The following CA10 variants were observed in gnomAD, a reference collection of about 807,000 sequenced individuals.
CA10 encodes carbonic anhydrase 10 (inactive).
CA10 carries 14 observed loss-of-function variants against 44.2 expected under a neutral mutation model. The ratio of observed to expected loss-of-function variants is 0.32; its 90% CI spans 0.21 to 0.50. CA10 has a LOEUF of 0.50. Ranked by LOEUF, CA10 falls within the 20% of genes least tolerant of loss-of-function variation. The pLI, the probability that CA10 is intolerant of heterozygous loss-of-function variation, is 0.99. For missense variants in CA10, 350 were observed against 409.7 expected, an observed-to-expected ratio of 0.85 and a Z score of 1.26; for synonymous variants, 159 against 141.6, an observed-to-expected ratio of 1.12 and a Z score of -0.87.
intron 2 of CA10, among the ~76,000 whole-genome samples, chr17:51,937,274 C>T (rs1311289347): frequency 1.3e-5 from 2 of 152,176 alleles, no homozygotes; most frequent in Non-Finnish European, 2.9e-5. Flanking sequence ...CTCTTTTCCT[C>T]ACCAATCCTG....
At chr17:52,131,641 A>T (rs941213759) in intron 1 of CA10, among the ~76,000 whole-genome samples, 23 of 152,198 alleles carry the variant, frequency 1.5e-4, no homozygotes, top group Non-Finnish European at 2.8e-4. Context: ...TTTCAGTACT[A>T]AAATAGGTAG....
intron 2 of CA10, among the ~76,000 whole-genome samples, chr17:52,015,191 G>A (rs528892849): frequency 3.5e-4 from 53 of 152,028 alleles, no homozygotes; most frequent in Admixed American, 1.2e-3. Flanking sequence ...GTATATAGAC[G>A]TATAATGACA....
chr17:52,128,518 C>A (rs1411457929), intron 1 of CA10, among the ~76,000 whole-genome samples: 1 of 152,146 alleles, frequency 6.6e-6, no homozygotes, highest in Non-Finnish European at 1.5e-5. Flanking sequence ...ATTCTCATAT[C>A]AGAACTTCTA....
At chr17:52,047,699 T>A (rs1219743365) in intron 2 of CA10, among the ~76,000 whole-genome samples, 1 of 151,946 alleles carries the variant, frequency 6.6e-6, no homozygotes, top group East Asian at 1.9e-4. Context: ...GAGTTTTTCT[T>A]CTATAGTTAT....
chr17:51,871,314 C>T (rs1168285634), intron 3 of CA10, among the ~76,000 whole-genome samples: 1 of 151,412 alleles, frequency 6.6e-6, no homozygotes, highest in African/African-American at 2.4e-5. Context: ...TCACTGCAAC[C>T]TTCGCCTCCC....
At chr17:51,851,194 C>T (rs1978778908) in intron 3 of CA10, among the ~76,000 whole-genome samples, 1 of 152,218 alleles carries the variant, frequency 6.6e-6, no homozygotes, top group Non-Finnish European at 1.5e-5. Flanking sequence ...GAAATGAGTA[C>T]ATTAATGCCC....
At chr17:51,652,991 A>C (rs1913635442) in intron 5 of CA10, among the ~76,000 whole-genome samples, 1 of 123,414 alleles carries the variant, frequency 8.1e-6, no homozygotes, top group Non-Finnish European at 1.7e-5. Context: ...TAAAATGTTA[A>C]AGGTAATTAG....
chr17:52,081,188 A>T (rs1344291858), intron 1 of CA10, among the ~76,000 whole-genome samples: 1 of 152,210 alleles, frequency 6.6e-6, no homozygotes, highest in Non-Finnish European at 1.5e-5. Context: ...GAGGTAGTAA[A>T]GTGACTAGAA....
At chr17:51,913,762 G>A (rs1336120505) in intron 3 of CA10, among the ~76,000 whole-genome samples, 2 of 152,128 alleles carry the variant, frequency 1.3e-5, no homozygotes, top group East Asian at 1.9e-4. Flanking sequence ...CAGCAACAGT[G>A]TTTGGTGGGG....
At chr17:52,125,415 G>C (rs926500621) in intron 1 of CA10, among the ~76,000 whole-genome samples, 2 of 152,172 alleles carry the variant, frequency 1.3e-5, no homozygotes, top group East Asian at 1.9e-4. Context: ...ACATCCCAGA[G>C]TATCTAAGAA....
intron 1 of CA10, among the ~76,000 whole-genome samples, chr17:52,119,799 T>C (rs1298463152): frequency 1.3e-5 from 2 of 152,322 alleles, no homozygotes; most frequent in East Asian, 1.9e-4. Flanking sequence ...AGAGATAAAT[T>C]ATGTTCCAAA....
At chr17:51,788,141 T>G (rs1451128662) in intron 3 of CA10, among the ~76,000 whole-genome samples, 9 of 152,192 alleles carry the variant, frequency 5.9e-5, no homozygotes, top group Non-Finnish European at 1.3e-4. Context: ...TTGGGTATGT[T>G]GTGTTTCCAT....
intron 3 of CA10, among the ~76,000 whole-genome samples, chr17:51,849,181 A>T (rs1978644018): frequency 1.2e-5 from 1 of 83,238 alleles, no homozygotes; most frequent in East Asian, 2.8e-4. Context: ...ATATACATAT[A>T]TGTATATATA....
At chr17:52,096,608 G>T (rs1396997537) in intron 1 of CA10, among the ~76,000 whole-genome samples, 1 of 151,988 alleles carries the variant, frequency 6.6e-6, no homozygotes, top group African/African-American at 2.4e-5. Flanking sequence ...TAACATAATA[G>T]ACACCAATGT....
intron 7 of CA10, among the ~76,000 whole-genome samples, chr17:51,635,644 G>A (rs1031301346): frequency 2.6e-5 from 4 of 152,166 alleles, no homozygotes; most frequent in African/African-American, 9.7e-5. Context: ...CTCACATTCC[G>A]CTGAAGGAAG....
chr17:51,960,310 C>T (rs1004803040), intron 2 of CA10, among the ~76,000 whole-genome samples: 3 of 151,866 alleles, frequency 2.0e-5, no homozygotes, highest in African/African-American at 7.3e-5. Flanking sequence ...TTACTAGAAT[C>T]CCAGAGGGGG....
intron 2 of CA10, among the ~76,000 whole-genome samples, chr17:51,966,199 A>G (rs1482785490): frequency 6.6e-6 from 1 of 151,962 alleles, no homozygotes; most frequent in Non-Finnish European, 1.5e-5. Context: ...AACACTGCTC[A>G]ATGAAATCAC....
chr17:51,914,425 A>C (rs1436993215), intron 3 of CA10, among the ~76,000 whole-genome samples: 1 of 152,196 alleles, frequency 6.6e-6, no homozygotes, highest in Non-Finnish European at 1.5e-5. Flanking sequence ...AACGTGTAAA[A>C]AAATTAACTA....
chr17:52,141,808 TG>T (rs1308156201), intron 1 of CA10, among the ~76,000 whole-genome samples: 1 of 152,158 alleles, frequency 6.6e-6, no homozygotes, highest in African/African-American at 2.4e-5. Context: ...CTGGTGAGAA[TG>T]TGGAAAAACC....
Sources: gnomAD v4.1 joint callset for allele counts (sites outside exome capture counted in the v4.1 genomes callset) on GRCh38, gnomAD v4.1.1 for gene constraint, MANE v1.5 for transcripts, NCBI Gene and HGNC (gene_info 2026-07-23, HGNC 2026-07-21) for gene names.